KCTD8: variants seen among roughly 807,000 people sequenced by gnomAD.
KCTD8 encodes the protein potassium channel tetramerization domain containing 8.
KCTD8 carries 27 observed loss-of-function variants against 31.5 expected under a neutral mutation model. The ratio of observed to expected loss-of-function variants is 0.86; its 90% CI spans 0.63 to 1.18. The LOEUF (loss-of-function observed/expected upper bound fraction) is 1.18. KCTD8 is among the 50% of genes most tolerant of loss of function. The pLI, the probability that KCTD8 is intolerant of heterozygous loss-of-function variation, is 0.00. For synonymous variants in KCTD8, 290 were observed against 280.0 expected, an observed-to-expected ratio of 1.04 and a Z score of -0.36; for missense variants, 658 against 647.7, an observed-to-expected ratio of 1.02 and a Z score of -0.17.
chr4:44,395,426 T>C (rs1720476646), intron 1 of KCTD8, among the ~76,000 whole-genome samples: 1 of 152,138 alleles, frequency 6.6e-6, no homozygotes, highest in African/African-American at 2.4e-5. Flanking sequence ...CTGATTTGAC[T>C]TAGGTTTCAC....
chr4:44,265,771 T>A (rs1716330610), intron 1 of KCTD8, among the ~76,000 whole-genome samples: 1 of 151,876 alleles, frequency 6.6e-6, no homozygotes, highest in African/African-American at 2.4e-5. Flanking sequence ...GCCGACGCAA[T>A]CAACTGGAAG....
At chr4:44,358,546 T>A (rs993448959) in intron 1 of KCTD8, among the ~76,000 whole-genome samples, 4 of 150,628 alleles carry the variant, frequency 2.7e-5, no homozygotes, top group Non-Finnish European at 4.4e-5. Flanking sequence ...CCACATCCTC[T>A]CCAGATCTGT....
At chr4:44,279,422 T>C (rs1039924532) in intron 1 of KCTD8, among the ~76,000 whole-genome samples, 1 of 152,032 alleles carries the variant, frequency 6.6e-6, no homozygotes, top group African/African-American at 2.4e-5. Context: ...AAGCCAGCCA[T>C]GGTGCTTGGA....
intron 1 of KCTD8, among the ~76,000 whole-genome samples, chr4:44,199,671 A>G (rs371625134): frequency 6.6e-6 from 1 of 152,140 alleles, no homozygotes; most frequent in African/African-American, 2.4e-5. Flanking sequence ...ATGAAAGTTT[A>G]TAGTATTAAA....
chr4:44,196,713 TC>T (rs1713952619), intron 1 of KCTD8, among the ~76,000 whole-genome samples: 1 of 151,918 alleles, frequency 6.6e-6, no homozygotes, highest in Non-Finnish European at 1.5e-5. Flanking sequence ...GAGGAAGAGC[TC>T]CCAGGGAATC....
intron 1 of KCTD8, among the ~76,000 whole-genome samples, chr4:44,270,836 C>A (rs1294853813): frequency 3.3e-5 from 5 of 152,042 alleles, no homozygotes; most frequent in Non-Finnish European, 5.9e-5. Context: ...TAGTCTTGTA[C>A]TACATTTAAA....
Position 44,447,618 on chromosome 4 carries a change from G to A in KCTD8, c.906C>T (p.Val302=). The A allele has an allele frequency of 6.2e-7, 1 of 1,605,496 alleles. No individual in the cohort carries two copies. ...AGATCTTGTCGTCGCGGTACTGGTTGACGAAGGCGGCGGTGCCCGAGGAGT... is the reference window on the plus strand; with the variant it reads ...AGATCTTGTCGTCGCGGTACTGGTTAACGAAGGCGGCGGTGCCCGAGGAGT... ...ACNSSGTAAF[V]NQYRDDKIWS... Residue 302 remains valine (V), a synonymous_variant, in exon 1 of 2, where the codon GTC becomes GTT. Coordinates refer to ENST00000360029, the MANE Select transcript of KCTD8 (RefSeq NM_198353.3).
At chr4:44,183,063 T>C (rs903290157) in intron 1 of KCTD8, among the ~76,000 whole-genome samples, 3 of 152,230 alleles carry the variant, frequency 2.0e-5, no homozygotes, top group Non-Finnish European at 4.4e-5. Context: ...GATTGGATAA[T>C]TGTAATGTTT....
At position 44,448,682 on chromosome 4, in the gene KCTD8, G is replaced by A; in HGVS notation, c.-159C>T. 4.7e-6 allele frequency: 3 copies of A among 632,168 alleles called. No individual in the cohort carries two copies. The South Asian group carries it at 2.3e-4, about 48-fold the overall frequency. The allele number at this position is 632,168 out of a possible 1,614,324, so 39.2% of individuals were successfully genotyped here. ...GCCCCGCTCAGGGTTCGGGGCAGCGGCGGCGTCGGCGGCGCCCGAGCTCCA... is the reference window on the plus strand; with the variant it reads ...GCCCCGCTCAGGGTTCGGGGCAGCGACGGCGTCGGCGGCGCCCGAGCTCCA... On this transcript the variant is annotated 5_prime_UTR_variant, in exon 1 of 2. Transcript: ENST00000360029. The surrounding 1 kb of genome is among the most constrained non-coding windows in gnomAD (Gnocchi z 4.1).
At chr4:44,405,663 T>C (rs1560446914) in intron 1 of KCTD8, among the ~76,000 whole-genome samples, 4 of 152,130 alleles carry the variant, frequency 2.6e-5, no homozygotes. Context: ...TCTGGAACTC[T>C]ACTCAAATAG....
chr4:44,263,419 T>C (rs1317551493), intron 1 of KCTD8, among the ~76,000 whole-genome samples: 1 of 152,166 alleles, frequency 6.6e-6, no homozygotes, highest in Admixed American at 6.5e-5. Flanking sequence ...ACTGATGTTT[T>C]AGGCCTAAAA....
At chr4:44,340,513 T>G (rs1453035400) in intron 1 of KCTD8, among the ~76,000 whole-genome samples, 3 of 142,484 alleles carry the variant, frequency 2.1e-5, no homozygotes, top group African/African-American at 8.0e-5. Context: ...TTTCACCGTG[T>G]TAGCCAGGAT....
intron 1 of KCTD8, among the ~76,000 whole-genome samples, chr4:44,413,835 G>T (rs1345898485): frequency 6.6e-6 from 1 of 152,024 alleles, no homozygotes; most frequent in East Asian, 1.9e-4. Flanking sequence ...ATCCAGAAGA[G>T]CCCAATGCCA....
At chr4:44,266,762 G>C (rs1037784105) in intron 1 of KCTD8, among the ~76,000 whole-genome samples, 2 of 152,070 alleles carry the variant, frequency 1.3e-5, no homozygotes, top group African/African-American at 2.4e-5. Context: ...TGATAAAACA[G>C]GCTTTAAACC....
intron 1 of KCTD8, among the ~76,000 whole-genome samples, chr4:44,439,471 T>C (rs1001746794): frequency 2.0e-5 from 3 of 152,196 alleles, no homozygotes; most frequent in Admixed American, 2.0e-4. Flanking sequence ...ACTAGTTAAG[T>C]GTCCAGTTAG....
chr4:44,318,255 G>C (rs1268914169), intron 1 of KCTD8, among the ~76,000 whole-genome samples: 1 of 152,028 alleles, frequency 6.6e-6, no homozygotes, highest in East Asian at 1.9e-4. Flanking sequence ...TTCTTTTAGA[G>C]ATAGGGTATC....
chr4:44,287,044 A>G (rs926084778), intron 1 of KCTD8, among the ~76,000 whole-genome samples: 2 of 152,180 alleles, frequency 1.3e-5, no homozygotes, highest in African/African-American at 2.4e-5. Context: ...AGCATTTTCA[A>G]GTATATAGCA....
chr4:44,342,143 A>G (rs1718917881), intron 1 of KCTD8, among the ~76,000 whole-genome samples: 1 of 152,168 alleles, frequency 6.6e-6, no homozygotes, highest in Non-Finnish European at 1.5e-5. Flanking sequence ...AGGCCAAGGC[A>G]GGCAGATCAC....
intron 1 of KCTD8, among the ~76,000 whole-genome samples, chr4:44,283,506 A>C (rs904527357): frequency 3.9e-5 from 6 of 152,106 alleles, no homozygotes; most frequent in Non-Finnish European, 4.4e-5. Context: ...TAAAGCCAAC[A>C]GTCATATTCC....
Sources: allele counts gnomAD v4.1 joint callset (sites outside exome capture counted in the v4.1 genomes callset), GRCh38; gene constraint gnomAD v4.1.1; non-coding constraint Gnocchi (gnomAD v3.1); transcripts MANE v1.5; gene names NCBI Gene and HGNC (gene_info 2026-07-23, HGNC 2026-07-21).